The following CHRNB3 variants were observed in gnomAD, a reference collection of about 807,000 sequenced individuals.
CHRNB3 encodes neuronal acetylcholine receptor subunit beta-3.
Under a neutral mutation model 40.6 loss-of-function variants are expected in CHRNB3, and 37 were observed. The observed-to-expected ratio is 0.91, with a 90% confidence interval of 0.70 to 1.20. The LOEUF (loss-of-function observed/expected upper bound fraction) is 1.20. Among genes scored for constraint, CHRNB3 ranks in the 50% most tolerant of loss-of-function variants. The pLI is 0.00. For missense variants in CHRNB3, 505 were observed against 551.2 expected, an observed-to-expected ratio of 0.92 and a Z score of 0.84; for synonymous variants, 207 against 207.1, an observed-to-expected ratio of 1.00 and a Z score of 0.00.
chr8:42,702,773 A>G (rs1365222860), intron 1 of CHRNB3, among the ~76,000 whole-genome samples: 1 of 152,218 alleles, frequency 6.6e-6, no homozygotes, highest in Non-Finnish European at 1.5e-5. Flanking sequence ...AAAAAAATAA[A>G]AAGAATATAA....
At chr8:42,731,393 A>C (rs1239798790) in intron 4 of CHRNB3, among the ~76,000 whole-genome samples, 2 of 151,992 alleles carry the variant, frequency 1.3e-5, no homozygotes, top group Non-Finnish European at 2.9e-5. Context: ...GTCTCTACTA[A>C]AAATACAAAA....
At chr8:42,728,218 A>G (rs1308512754) in intron 3 of CHRNB3, among the ~76,000 whole-genome samples, 1 of 152,206 alleles carries the variant, frequency 6.6e-6, no homozygotes, top group East Asian at 1.9e-4. Context: ...AGTCATTAGG[A>G]AAATGCATAT....
chr8:42,735,592 C>T (rs1214150281), intron 5 of CHRNB3, among the ~76,000 whole-genome samples: 2 of 151,638 alleles, frequency 1.3e-5, no homozygotes, highest in Non-Finnish European at 2.9e-5. Flanking sequence ...CTTTTTTTTC[C>T]CCAAGACGGA....
intron 3 of CHRNB3, chr8:42,726,155 G>A: frequency 7.4e-7 from 1 of 1,358,564 alleles, no homozygotes; most frequent in Non-Finnish European, 1.0e-6. Context: ...GGCTTTGAGG[G>A]CTTGATAAGC....
chr8:42,712,167 AT>A lies in CHRNB3; in HGVS notation c.249+1738del, dbSNP rs1273048601. Among the ~76,000 whole-genome samples the A allele has an allele frequency of 1.3e-4, 20 of 151,778 alleles. 1 individual carries two copies. The highest frequency in any genetic ancestry group is 4.6e-4 in the African/African-American group (19 of 41,364). ...GCCACCACGCCCGGCTAATTTTTGT[AT>A]TTTTAGTAGAGATGGGGTTTCACCA... On this transcript the variant is annotated intron_variant, in intron 3 of 5. Transcript: ENST00000289957.
chr8:42,698,309 A>G (rs1193923424), intron 1 of CHRNB3, among the ~76,000 whole-genome samples: 2 of 152,192 alleles, frequency 1.3e-5, no homozygotes, highest in Admixed American at 6.5e-5. Flanking sequence ...GGGTTTGGGA[A>G]TCTTTTCACT....
intron 1 of CHRNB3, among the ~76,000 whole-genome samples, chr8:42,704,129 G>A (rs560830730): frequency 5.9e-5 from 9 of 152,294 alleles, no homozygotes; most frequent in African/African-American, 2.2e-4. Flanking sequence ...CTGTGATCAC[G>A]TGCTAGAAAG....
At chr8:42,710,915 A>G (rs1184146576) in intron 3 of CHRNB3, among the ~76,000 whole-genome samples, 3 of 152,200 alleles carry the variant, frequency 2.0e-5, no homozygotes, top group Admixed American at 1.3e-4. Context: ...GGGGCTGCCC[A>G]TTATTAATTT....
intron 1 of CHRNB3, among the ~76,000 whole-genome samples, chr8:42,706,927 AT>A (rs1210690301): frequency 6.6e-6 from 1 of 151,760 alleles, no homozygotes; most frequent in Non-Finnish European, 1.5e-5. Flanking sequence ...TGCCCGGCTA[AT>A]TTTTTTATTT....
rs755584606 is a variant in CHRNB3, at chr8:42,736,496, T to TG, written c.1257dup (p.Lys420GlufsTer8). ...TTCTCTTTTGCAGGTAGTACAAGAC[T>TG]GGAAATTTGTAGCTCAAGTTCTTGA... On this transcript the variant is annotated frameshift_variant, in exon 6 of 6. Transcript: ENST00000289957. LOFTEE classifies it high-confidence loss of function. 37 of 1,614,112 alleles carry TG rather than the reference T, an allele frequency of 2.3e-5. No homozygotes were observed. The highest frequency in any genetic ancestry group is 3.0e-5 in the Non-Finnish European group (35 of 1,180,048).
intron 5 of CHRNB3, among the ~76,000 whole-genome samples, chr8:42,733,414 A>G (rs1391699009): frequency 6.6e-6 from 1 of 152,090 alleles, no homozygotes; most frequent in Non-Finnish European, 1.5e-5. Context: ...ACTTAAGACA[A>G]GTTACTTAAC....
At chr8:42,714,552 TA>T (rs546154469) in intron 3 of CHRNB3, among the ~76,000 whole-genome samples, 18 of 146,762 alleles carry the variant, frequency 1.2e-4, no homozygotes, top group African/African-American at 2.0e-4. Context: ...GCTGAATGAT[TA>T]AAAAAAAAAC....
chr8:42,703,647 T>G (rs1407623923), intron 1 of CHRNB3, among the ~76,000 whole-genome samples: 1 of 152,008 alleles, frequency 6.6e-6, no homozygotes, highest in African/African-American at 2.4e-5. Flanking sequence ...CCTGGAAACC[T>G]TGAGCGCATC....
chr8:42,709,750 G>A (rs1183997681), intron 2 of CHRNB3, among the ~76,000 whole-genome samples: 2 of 152,176 alleles, frequency 1.3e-5, no homozygotes, highest in Admixed American at 6.5e-5. Context: ...TCCTGCCTCA[G>A]CTTCCTGAGT....
At chr8:42,717,052 C>T (rs1261211160) in intron 3 of CHRNB3, among the ~76,000 whole-genome samples, 1 of 151,974 alleles carries the variant, frequency 6.6e-6, no homozygotes, top group Admixed American at 6.6e-5. Context: ...ATTGGATAGA[C>T]CCCTGGAGCT....
chr8:42,718,934 A>G (rs558272964), intron 3 of CHRNB3, among the ~76,000 whole-genome samples: 2 of 152,152 alleles, frequency 1.3e-5, no homozygotes, highest in African/African-American at 4.8e-5. Flanking sequence ...TTTCTTAGTC[A>G]TAGATTAACT....
chr8:42,725,809 C>T, intron 3 of CHRNB3: 2 of 858,400 alleles, frequency 2.3e-6, no homozygotes, highest in Admixed American at 1.7e-5. Context: ...ATTTGGAAAT[C>T]CCTAGGTCAC....
At chr8:42,714,003 T>A (rs545798437) in intron 3 of CHRNB3, among the ~76,000 whole-genome samples, 2 of 152,294 alleles carry the variant, frequency 1.3e-5, no homozygotes, top group South Asian at 2.1e-4. Flanking sequence ...GATATAGTCA[T>A]TGCGACGTCC....
intron 3 of CHRNB3, among the ~76,000 whole-genome samples, chr8:42,729,148 C>G (rs1404384438): frequency 2.0e-5 from 3 of 152,056 alleles, no homozygotes; most frequent in Non-Finnish European, 4.4e-5. Context: ...TGGCTCACAC[C>G]TGTAATCCCA....
Sources: gnomAD v4.1 joint callset for allele counts (sites outside exome capture counted in the v4.1 genomes callset) on GRCh38, gnomAD v4.1.1 for gene constraint, MANE v1.5 for transcripts, NCBI Gene and HGNC (gene_info 2026-07-23, HGNC 2026-07-21) for gene names.